The following ERC2 variants were observed in gnomAD, a reference collection of about 807,000 sequenced individuals.
The protein encoded by ERC2 is ERC protein 2.
ERC2 carries 42 observed loss-of-function variants against 114.8 expected under a neutral mutation model. The ratio of observed to expected loss-of-function variants is 0.37; its 90% CI spans 0.29 to 0.47. The LOEUF (loss-of-function observed/expected upper bound fraction) is 0.47, where lower values mean the gene tolerates loss of function less well. Among genes scored for constraint, ERC2 ranks in the 20% least tolerant of loss-of-function variants. The probability of loss-of-function intolerance (pLI) is 0.99; values close to 1 mark genes in which losing one functional copy is unlikely to be tolerated. For missense variants in ERC2, 939 were observed against 1,150.7 expected, an observed-to-expected ratio of 0.82 and a Z score of 2.66; for synonymous variants, 454 against 425.5, an observed-to-expected ratio of 1.07 and a Z score of -0.82.
At chr3:55,685,394 T>A (rs930266492) in intron 16 of ERC2, among the ~76,000 whole-genome samples, 1 of 152,210 alleles carries the variant, frequency 6.6e-6, no homozygotes, top group African/African-American at 2.4e-5. Context: ...GTAAAAATTA[T>A]CTGTGTTTAT....
At chr3:55,776,089 A>G (rs1017756739) in intron 14 of ERC2, among the ~76,000 whole-genome samples, 1 of 148,278 alleles carries the variant, frequency 6.7e-6, no homozygotes, top group Non-Finnish European at 1.5e-5. Flanking sequence ...CCTGCATATC[A>G]AAACACCAAC....
intron 14 of ERC2, among the ~76,000 whole-genome samples, chr3:55,829,631 C>A (rs1234542928): frequency 6.6e-6 from 1 of 152,160 alleles, no homozygotes; most frequent in Non-Finnish European, 1.5e-5. Flanking sequence ...CCTCCCATTT[C>A]AGCTATCAAA....
intron 13 of ERC2, among the ~76,000 whole-genome samples, chr3:55,940,420 C>T (rs887777748): frequency 1.1e-4 from 17 of 152,068 alleles, no homozygotes; most frequent in African/African-American, 4.1e-4. Flanking sequence ...ACCTGAGGTC[C>T]AAAAGGCCTT....
At chr3:55,707,906 G>A (rs1559528654) in intron 15 of ERC2, among the ~76,000 whole-genome samples, 2 of 152,272 alleles carry the variant, frequency 1.3e-5, no homozygotes, top group East Asian at 1.9e-4. Context: ...TGAAGAAGAT[G>A]AGGCTTAGGG....
At chr3:56,292,711 GGTTTGTCCCTCT>G (rs1474971417) in intron 3 of ERC2, among the ~76,000 whole-genome samples, 4 of 152,120 alleles carry the variant, frequency 2.6e-5, no homozygotes, top group Admixed American at 1.3e-4. Flanking sequence ...TGTGACATTG[GGTTTGTCCCTCT>G]GTTCCCCCAG....
chr3:55,855,985 C>T (rs2061768198), intron 14 of ERC2, among the ~76,000 whole-genome samples: 1 of 152,196 alleles, frequency 6.6e-6, no homozygotes, highest in East Asian at 1.9e-4. Context: ...TCTCTTGCCC[C>T]TGTCTGTCAA....
intron 17 of ERC2, among the ~76,000 whole-genome samples, chr3:55,593,622 C>T (rs987009871): frequency 2.0e-5 from 3 of 152,218 alleles, no homozygotes; most frequent in Non-Finnish European, 2.9e-5. Flanking sequence ...TGACACCTTT[C>T]CTCCCCTAGT....
chr3:56,073,650 A>C (rs529425400), intron 7 of ERC2, among the ~76,000 whole-genome samples: 1 of 152,322 alleles, frequency 6.6e-6, no homozygotes, highest in Admixed American at 6.5e-5. Flanking sequence ...AAAGTGGAGC[A>C]GCTTCCCAGA....
At chr3:56,011,636 CAT>C (rs56111135) in intron 8 of ERC2, among the ~76,000 whole-genome samples, 2,515 of 144,312 alleles carry the variant, frequency 0.017, 61 homozygotes, top group African/African-American at 0.06. Context: ...CACACACACA[CAT>C]GCACACGAAA....
chr3:56,076,341 A>G (rs1363312120), intron 7 of ERC2, among the ~76,000 whole-genome samples: 1 of 152,196 alleles, frequency 6.6e-6, no homozygotes, highest in African/African-American at 2.4e-5. Context: ...GTTACATAAC[A>G]GTCTGAATTT....
chr3:56,196,540 A>G (rs1345352884), intron 3 of ERC2, among the ~76,000 whole-genome samples: 1 of 147,850 alleles, frequency 6.8e-6, no homozygotes, highest in Non-Finnish European at 1.5e-5. Context: ...AAACTTCTTG[A>G]GATGAGTTAT....
chr3:55,964,318 C>T (rs1458069), intron 12 of ERC2, among the ~76,000 whole-genome samples: 22,404 of 152,162 alleles, frequency 0.15, 2,523 homozygotes, highest in African/African-American at 0.3. Context: ...AACTATTGTT[C>T]TGATGATGCC....
intron 1 of ERC2, among the ~76,000 whole-genome samples, chr3:56,458,528 G>T (rs924713933): frequency 1.3e-5 from 2 of 152,178 alleles, no homozygotes; most frequent in African/African-American, 4.8e-5. Context: ...AATTCCCCTT[G>T]CGTGCCCACA....
At chr3:55,787,218 C>A (rs1356858074) in intron 14 of ERC2, among the ~76,000 whole-genome samples, 4 of 152,034 alleles carry the variant, frequency 2.6e-5, no homozygotes, top group Admixed American at 6.6e-5. Context: ...GAATTTGAGA[C>A]CAGCCCAGGA....
intron 6 of ERC2, among the ~76,000 whole-genome samples, chr3:56,138,123 G>A (rs915977810): frequency 3.0e-5 from 4 of 133,630 alleles, no homozygotes; most frequent in South Asian, 2.4e-4. Context: ...GCAGTGGCAC[G>A]ATCTCCACTC....
chr3:55,569,861 ATTTTTTTTTT>A (rs375004734), intron 17 of ERC2, among the ~76,000 whole-genome samples: 1 of 125,230 alleles, frequency 8.0e-6, no homozygotes, highest in Non-Finnish European at 1.7e-5. Context: ...CTTCATTTCT[ATTTTTTTTTT>A]TTTTTTTTTT....
At chr3:56,015,669 C>T (rs2073256188) in intron 8 of ERC2, among the ~76,000 whole-genome samples, 1 of 152,258 alleles carries the variant, frequency 6.6e-6, no homozygotes, top group South Asian at 2.1e-4. Flanking sequence ...CTGCAATGAA[C>T]ATATGCATGC....
chr3:55,694,709 A>G (rs2062840398), intron 16 of ERC2, among the ~76,000 whole-genome samples: 1 of 152,184 alleles, frequency 6.6e-6, no homozygotes, highest in African/African-American at 2.4e-5. Flanking sequence ...GTTCTTTGCC[A>G]TTTAGGCCCT....
chr3:56,024,257 G>C (rs547141548), intron 7 of ERC2, among the ~76,000 whole-genome samples: 1 of 152,222 alleles, frequency 6.6e-6, no homozygotes, highest in African/African-American at 2.4e-5. Context: ...GATGCAAGTG[G>C]TCTAGTGCAA....
Sources: allele counts gnomAD v4.1 joint callset (sites outside exome capture counted in the v4.1 genomes callset), GRCh38; gene constraint gnomAD v4.1.1; transcripts MANE v1.5; gene names NCBI Gene and HGNC (gene_info 2026-07-23, HGNC 2026-07-21).